FAM216B: variants seen among roughly 807,000 people sequenced by gnomAD.
FAM216B encodes protein FAM216B.
Under a neutral mutation model 12.9 loss-of-function variants are expected in FAM216B, and 11 were observed. The observed-to-expected ratio is 0.86, with a 90% CI of 0.54 to 1.42. The LOEUF (loss-of-function observed/expected upper bound fraction) is 1.42. Ranked by LOEUF, FAM216B falls within the 40% of genes most tolerant of loss-of-function variation. The pLI is 0.00. For missense variants in FAM216B, 167 were observed against 162.9 expected (o/e 1.02, Z -0.14); for synonymous variants, 52 against 57.2 (o/e 0.91, Z 0.41).
At chr13:42,782,790 A>T (rs1873910381) in intron 1 of FAM216B, among the ~76,000 whole-genome samples, 1 of 152,222 alleles carries the variant, frequency 6.6e-6, no homozygotes, top group Admixed American at 6.5e-5. Context: ...TTTCTCAGGC[A>T]AGTGGAAACA....
chr13:42,785,189 T>A (rs930450580), intron 2 of FAM216B, among the ~76,000 whole-genome samples: 6 of 152,186 alleles, frequency 3.9e-5, no homozygotes, highest in Non-Finnish European at 8.8e-5. Context: ...CTTTAAAACA[T>A]CCACTTCAGA....
Position 42,790,798 on chromosome 13 carries a change from G to C in FAM216B, c.*2008G>C, listed in dbSNP as rs1184059143. ...ACATTATCAGAACTTAAGTCCTGGA[G>C]ATCAGAGACTGTTTCACCTGAAATT... On this transcript the variant is annotated 3_prime_UTR_variant, in exon 4 of 4. Transcript: ENST00000313851. 1.3e-5 allele frequency: 2 copies of C among 152,210 alleles called. No homozygotes were observed. Among genetic ancestry groups the C allele is most frequent in the Admixed American group, 1.3e-4 (2 of 15,282 alleles). The allele number at this position is 152,210 out of a possible 1,614,324, so 9.4% of individuals were successfully genotyped here.
intron 1 of FAM216B, 77 bp from the exon 2 acceptor site, chr13:42,783,977 A>T: frequency 3.8e-6 from 3 of 794,228 alleles, no homozygotes; most frequent in Non-Finnish European, 6.1e-6. Context: ...TTACTTGCTT[A>T]CTTATTTACT....
chr13:42,788,539 T>C (rs1874177925), intron 3 of FAM216B, 52 bp from the exon 4 acceptor site: 1 of 1,475,918 alleles, frequency 6.8e-7, no homozygotes, highest in African/African-American at 1.4e-5. Flanking sequence ...TGTTTTCTTA[T>C]TTGCCTTGTA....
rs1874176121 is a variant in FAM216B, at chr13:42,788,481, C to T, written c.221-110C>T. The T allele has an allele frequency of 8.3e-6, 7 of 844,732 alleles. No homozygotes were observed. The South Asian group carries it at 1.5e-4, about 18-fold the overall frequency. The allele number at this position is 844,732 out of a possible 1,614,324, so 52.3% of individuals were successfully genotyped here. ...GATCATATAATCTGGGCATGCTTAC[C>T]ACAAGAGTAGAATAAATTTTGTACA... On this transcript the variant is annotated intron_variant, in intron 3 of 3. Coordinates refer to ENST00000313851, the MANE Select transcript of FAM216B (RefSeq NM_001318932.2).
rs71202236 is a variant in FAM216B, at chr13:42,784,173, C to CTTTTTTTT, written c.99+20_99+27dup. On this transcript the variant is annotated splice_region_variant and intron_variant, in intron 2 of 3. Coordinates refer to ENST00000313851, the MANE Select transcript of FAM216B (RefSeq NM_001318932.2). ...TGACACTTCCTTACTAAAGGTATGG[C>CTTTTTTTT]TTTTTTTTTTTTTTTTTTTTCACAG... is the stretch of plus-strand genomic sequence containing the variant. The CTTTTTTTT allele has an allele frequency of 1.3e-3, 970 of 752,412 alleles. 58 individuals carry two copies. Among genetic ancestry groups the CTTTTTTTT allele is most frequent in the South Asian group, 4.2e-3 (150 of 35,760 alleles). The allele number at this position is 752,412 out of a possible 1,614,324, so 46.6% of individuals were successfully genotyped here. A position where few individuals can be genotyped will look rare whatever the true frequency, so the allele number is the denominator to read the frequency against.
In FAM216B at chr13:42,786,861, C is replaced by T. The variant is rs758361979; in HGVS notation, c.198C>T (p.Ser66=). Residue 66 remains serine (S), a synonymous_variant, in exon 3 of 4, where the codon AGC becomes AGT. Transcript: ENST00000313851. ...CCCTGCAGACCCGCTACATTCACAG[C>T]CTTCAGCACCAACAGCTGCTTGGTA... ...WEALQTRYIH[S]LQHQQLLGYI... 3.1e-6 allele frequency: 5 copies of T among 1,613,966 alleles called. No individual in the cohort carries two copies. The South Asian group carries it at 5.5e-5, about 18-fold the overall frequency.
intron 1 of FAM216B, among the ~76,000 whole-genome samples, chr13:42,781,980 C>A (rs778460471): frequency 3.3e-5 from 5 of 152,086 alleles, no homozygotes; most frequent in Non-Finnish European, 5.9e-5. Flanking sequence ...CAGGATAGAG[C>A]GTAGGTGTCA....
chr13:42,782,881 A>G (rs1024153856), intron 1 of FAM216B, among the ~76,000 whole-genome samples: 13 of 152,046 alleles, frequency 8.6e-5, no homozygotes, highest in Non-Finnish European at 1.8e-4. Flanking sequence ...ACGTAAAGGC[A>G]TACTACACTG....
chr13:42,788,507 C>T, intron 3 of FAM216B, 84 bp from the exon 4 acceptor site: 1 of 1,135,416 alleles, frequency 8.8e-7, no homozygotes, highest in South Asian at 1.7e-5. Context: ...ATTTTGTACA[C>T]ATAAGTAAAT....
chr13:42,788,276 G>A lies in FAM216B; in HGVS notation c.221-315G>A, dbSNP rs117616017. Reference sequence around the variant, plus strand: ...CCAGTTGGTGGTCTGCAGACTACACGTTGAGAAACACTGAGAGAGATCAAA... The same window carrying A: ...CCAGTTGGTGGTCTGCAGACTACACATTGAGAAACACTGAGAGAGATCAAA... On this transcript the variant is annotated intron_variant, in intron 3 of 3. Coordinates refer to ENST00000313851, the MANE Select transcript of FAM216B (RefSeq NM_001318932.2). 7.1e-3 allele frequency among the ~76,000 whole-genome samples: 1,088 copies of A among 152,238 alleles called. 7 individuals carry two copies. Among genetic ancestry groups the A allele is most frequent in the Non-Finnish European group, 0.011 (720 of 68,006 alleles).
chr13:42,786,934 C>T, intron 3 of FAM216B, 51 bp downstream of exon 3: 1 of 1,603,970 alleles, frequency 6.2e-7, no homozygotes. Flanking sequence ...TCAACTCGTG[C>T]TGTAGCCAGA....
In FAM216B at chr13:42,790,871, T is replaced by G. The variant is rs1014031184; in HGVS notation, c.*2081T>G. The G allele has an allele frequency of 5.9e-5, 9 of 152,190 alleles. No individual in the cohort carries two copies. The highest frequency in any genetic ancestry group is 2.2e-4 in the African/African-American group (9 of 41,462). The allele number at this position is 152,190 out of a possible 1,614,324, so 9.4% of individuals were successfully genotyped here. ...GGTTGCGGTAGGCAATCAATAATAC[T>G]CTTTGAATAATAATGAGGTTTTCAA... On this transcript the variant is annotated 3_prime_UTR_variant, in exon 4 of 4. Coordinates refer to ENST00000313851, the MANE Select transcript of FAM216B (RefSeq NM_001318932.2).
At chr13:42,786,612 T>C in intron 2 of FAM216B, 151 bp from the exon 3 acceptor site, 1 of 942,864 alleles carries the variant, frequency 1.1e-6, no homozygotes, top group Admixed American at 2.9e-5. Flanking sequence ...ACTCCCCAGT[T>C]GTTATTTTCC....
At chr13:42,787,129 ATTTGTGAGAACTTAATCAAG>A (rs1459343254) in intron 3 of FAM216B, among the ~76,000 whole-genome samples, 1 of 152,208 alleles carries the variant, frequency 6.6e-6, no homozygotes, top group African/African-American at 2.4e-5. Context: ...ACTCTCTGAG[ATTTGTGAGAACTTAATCAAG>A]TAAATCAATG....
intron 2 of FAM216B, among the ~76,000 whole-genome samples, chr13:42,785,067 A>T (rs1471805852): frequency 6.6e-6 from 1 of 152,130 alleles, no homozygotes; most frequent in Non-Finnish European, 1.5e-5. Flanking sequence ...TGTACTTTGG[A>T]GTCCTGCTCT....
At chr13:42,785,046 G>A (rs1188029885) in intron 2 of FAM216B, among the ~76,000 whole-genome samples, 1 of 151,932 alleles carries the variant, frequency 6.6e-6, no homozygotes, top group African/African-American at 2.4e-5. Flanking sequence ...ATCTTCTATG[G>A]AAACTCCCAT....
At chr13:42,788,532 T>A in intron 3 of FAM216B, 59 bp from the exon 4 acceptor site, 1 of 1,435,484 alleles carries the variant, frequency 7.0e-7, no homozygotes, top group East Asian at 2.3e-5. Context: ...GCAGTTTTGT[T>A]TTCTTATTTG....
Position 42,788,605 on chromosome 13 carries a change from CG to C in FAM216B, c.238del (p.Glu80LysfsTer20), listed in dbSNP as rs751275288. The C allele has an allele frequency of 3.1e-6, 5 of 1,612,596 alleles. No homozygotes were observed. The South Asian group carries it at 5.5e-5, about 18-fold the overall frequency. Reference protein sequence around the residue: ...HQQLLGYITQREALSYALVLR... With the variant: ...HQQLLGYITQXEALSYALVLR... ...CTTTCCCCTAGGCTATATTACTCAA[CG>C]GGAAGCCTTGTCTTATGCTCTTGTA... is the stretch of plus-strand genomic sequence containing the variant. On this transcript the variant is annotated frameshift_variant, in exon 4 of 4. Transcript: ENST00000313851. LOFTEE classifies it low-confidence loss of function (END_TRUNC).
Sources: gnomAD v4.1 joint callset for allele counts (sites outside exome capture counted in the v4.1 genomes callset) on GRCh38, gnomAD v4.1.1 for gene constraint, MANE v1.5 for transcripts, NCBI Gene and HGNC (gene_info 2026-07-23, HGNC 2026-07-21) for gene names.